Variants in GAS2L3 observed in about 807,000 individuals in gnomAD.
GAS2L3 encodes growth arrest specific 2 like 3, also known as GAS2-like protein 3.
A neutral mutation model predicts 37.0 loss-of-function variants in GAS2L3; 28 were observed. The observed-to-expected ratio is 0.76, with a 90% CI of 0.56 to 1.04. The LOEUF is 1.04. Among genes scored for constraint, GAS2L3 ranks in the 50% least tolerant of loss-of-function variants. The pLI is 0.00. For missense variants in GAS2L3, 793 were observed against 817.6 expected (o/e 0.97, Z 0.37); for synonymous variants, 290 against 296.6 (o/e 0.98, Z 0.23).
At chr12:100,579,696 A>G in intron 1 of GAS2L3, 1 of 776,188 alleles carries the variant, frequency 1.3e-6, no homozygotes, top group East Asian at 2.4e-5. Flanking sequence ...CATGGCGATC[A>G]TGGAAGCAGC....
At position 100,623,644 on chromosome 12, in the gene GAS2L3, G is replaced by C. The variant is rs1284131370; in HGVS notation, c.839G>C (p.Cys280Ser). 6.2e-7 allele frequency: 1 copy of C among 1,613,776 alleles called. No individual in the cohort carries two copies. Among genetic ancestry groups the C allele is most frequent in the Admixed American group, 1.7e-5 (1 of 59,970 alleles). Residue 280 changes from cysteine (C) to serine (S), a missense_variant, in exon 10 of 10, where the codon TGT (cysteine) becomes TCT (serine). Cys to Ser is a moderately radical substitution (Grantham distance 112). Transcript: ENST00000547754. The stretch of plus-strand genomic sequence containing the variant: ...GGATTTTTGCTTAAATATGACCCCT[G>C]TCGAATATTACAGTTTGCCACATTA... ...LQGFLLKYDPCRILQFATLEQ... is the reference protein window; with the variant it reads ...LQGFLLKYDPSRILQFATLEQ...
At chr12:100,581,580 A>G (rs940439909) in intron 1 of GAS2L3, among the ~76,000 whole-genome samples, 1 of 152,254 alleles carries the variant, frequency 6.6e-6, no homozygotes, top group African/African-American at 2.4e-5. Flanking sequence ...ATATAAAAAG[A>G]AATATATTTG....
chr12:100,582,487 G>C (rs1421565634), intron 1 of GAS2L3, among the ~76,000 whole-genome samples: 1 of 152,196 alleles, frequency 6.6e-6, no homozygotes, highest in Non-Finnish European at 1.5e-5. Context: ...GTAACTGTCA[G>C]TGTTGCACTG....
In GAS2L3 at chr12:100,627,223, A is replaced by T. The variant is rs551305059; in HGVS notation, c.*2333A>T. On this transcript the variant is annotated 3_prime_UTR_variant, in exon 10 of 10. Coordinates refer to ENST00000547754, the MANE Select transcript of GAS2L3 (RefSeq NM_174942.3). Reference sequence around the variant, plus strand: ...GTTGAATGAATTTTTATTTATATATAGCTTACCCTTCCAAAATAAAAGTGT... The same window carrying T: ...GTTGAATGAATTTTTATTTATATATTGCTTACCCTTCCAAAATAAAAGTGT... Among the ~76,000 whole-genome samples, 78 of 152,166 alleles carry T rather than the reference A, an allele frequency of 5.1e-4. No homozygotes were observed. The highest frequency in any genetic ancestry group is 1.8e-3 in the African/African-American group (76 of 41,524).
chr12:100,596,914 T>C (rs978256877), intron 3 of GAS2L3, among the ~76,000 whole-genome samples: 1 of 152,070 alleles, frequency 6.6e-6, no homozygotes, highest in Non-Finnish European at 1.5e-5. Context: ...TAAATATCTC[T>C]TAATGACAAT....
chr12:100,586,401 A>G (rs1955781555), intron 1 of GAS2L3, among the ~76,000 whole-genome samples: 1 of 152,246 alleles, frequency 6.6e-6, no homozygotes, highest in Non-Finnish European at 1.5e-5. Context: ...ACAGAGGAGT[A>G]ATACTAGAAA....
At position 100,612,050 on chromosome 12, in the gene GAS2L3, A is replaced by C. The variant is rs1464413711; in HGVS notation, c.354A>C (p.Ser118=). 1 of 1,611,684 alleles carries C rather than the reference A, an allele frequency of 6.2e-7. No individual in the cohort carries two copies. The highest frequency in any genetic ancestry group is 8.5e-7 in the Non-Finnish European group (1 of 1,177,760). The change falls in exon 6 of 10, where the codon TCA becomes TCC. Residue 118 remains serine, a synonymous_variant. Transcript: ENST00000547754. ...GTAAGAAAGATGCTGCATCAGGTTCATTCTTTGCTCGGGACAATACCGCAA... is the reference window on the plus strand; with the variant it reads ...GTAAGAAAGATGCTGCATCAGGTTCCTTCTTTGCTCGGGACAATACCGCAA... ...VPCKKDAASG[S]FFARDNTANF...
At chr12:100,603,001 C>T (rs1565806033) in intron 5 of GAS2L3, among the ~76,000 whole-genome samples, 1 of 152,108 alleles carries the variant, frequency 6.6e-6, no homozygotes, top group East Asian at 1.9e-4. Context: ...CTCAGTGGTA[C>T]TCCATTGTAT....
intron 1 of GAS2L3, among the ~76,000 whole-genome samples, chr12:100,582,544 T>C (rs1257451460): frequency 6.6e-6 from 1 of 152,190 alleles, no homozygotes; most frequent in Non-Finnish European, 1.5e-5. Context: ...TTACATTGAT[T>C]TGAAAGTTAA....
At chr12:100,579,222 C>T (rs1863904) in intron 1 of GAS2L3, 117,543 of 610,190 alleles carry the variant, frequency 0.19, 14,611 homozygotes, top group East Asian at 0.47. Flanking sequence ...TCTGGATTTG[C>T]TAAGGTCCAT....
At chr12:100,605,750 T>C (rs1282163851) in intron 5 of GAS2L3, among the ~76,000 whole-genome samples, 1 of 152,002 alleles carries the variant, frequency 6.6e-6, no homozygotes, top group Non-Finnish European at 1.5e-5. Context: ...ATTGACCCAC[T>C]GGTCGGTCAT....
In GAS2L3 at chr12:100,627,135, A is replaced by G. The variant is rs1956340440; in HGVS notation, c.*2245A>G. On this transcript the variant is annotated 3_prime_UTR_variant, in exon 10 of 10. Transcript: ENST00000547754. ...GAAAAGAAAAAGGTTTATTTGAATA[A>G]TTGGAAGTCAGTTTATACATTACTA... 6.6e-6 allele frequency among the ~76,000 whole-genome samples: 1 copy of G among 152,030 alleles called. No individual in the cohort carries two copies. Among genetic ancestry groups the G allele is most frequent in the Non-Finnish European group, 1.5e-5 (1 of 67,994 alleles).
intron 9 of GAS2L3, 43 bp downstream of exon 9, chr12:100,622,425 T>A: frequency 3.0e-6 from 3 of 997,106 alleles, no homozygotes; most frequent in Non-Finnish European, 4.7e-6. Flanking sequence ...AAATACTGTT[T>A]TGAAATTGGA....
At chr12:100,577,705 T>C (rs538335648) in intron 1 of GAS2L3, among the ~76,000 whole-genome samples, 2 of 152,282 alleles carry the variant, frequency 1.3e-5, no homozygotes, top group African/African-American at 4.8e-5. Context: ...TTTTTAAAAG[T>C]ATAGAGTGCA....
In GAS2L3 at chr12:100,624,528, A is replaced by G; in HGVS notation, c.1723A>G (p.Thr575Ala). ...GTCCTCAGTTTCTCCTGTAAAAGCC[A>G]CACAGAAATCAAAAGATAAGAATAT... ...SVSSVSPVKA[T>A]QKSKDKNIVS... The change falls in exon 10 of 10, where the codon ACA becomes GCA. Residue 575 changes from threonine to alanine, a missense_variant. Thr to Ala is a moderately conservative substitution (Grantham distance 58). Coordinates refer to ENST00000547754, the MANE Select transcript of GAS2L3 (RefSeq NM_174942.3). 1 of 1,614,114 alleles carries G rather than the reference A, an allele frequency of 6.2e-7. No homozygotes were observed. Among genetic ancestry groups the G allele is most frequent in the East Asian group, 2.2e-5 (1 of 44,868 alleles).
Position 100,625,012 on chromosome 12 carries a change from G to A in GAS2L3, c.*122G>A. The A allele has an allele frequency of 1.3e-6, 1 of 762,870 alleles. No individual in the cohort carries two copies. The highest frequency in any genetic ancestry group is 2.1e-6 in the Non-Finnish European group (1 of 471,988). The allele number at this position is 762,870 out of a possible 1,614,324, so 47.3% of individuals were successfully genotyped here. ...AGACACTAAGGATAGTGAGGATGGA[G>A]GCTGGGATGAGGAAAGGGTTCATCA... is the stretch of plus-strand genomic sequence containing the variant. On this transcript the variant is annotated 3_prime_UTR_variant, in exon 10 of 10. Transcript: ENST00000547754.
intron 3 of GAS2L3, among the ~76,000 whole-genome samples, chr12:100,597,706 G>A (rs775651691): frequency 3.2e-4 from 49 of 151,098 alleles, no homozygotes; most frequent in Non-Finnish European, 7.1e-4. Context: ...TTTGCCTTGG[G>A]GTTAAAAACA....
chr12:100,582,947 C>A (rs1955732171), intron 1 of GAS2L3, among the ~76,000 whole-genome samples: 1 of 152,212 alleles, frequency 6.6e-6, no homozygotes, highest in Non-Finnish European at 1.5e-5. Context: ...CTCTTTGATG[C>A]TCTTCCATCA....
chr12:100,584,921 C>T (rs1323179528), intron 1 of GAS2L3, among the ~76,000 whole-genome samples: 2 of 119,940 alleles, frequency 1.7e-5, no homozygotes, highest in South Asian at 2.9e-4. Context: ...CGGAGTCTTG[C>T]TCTGTTGCCT....
Sources: allele counts gnomAD v4.1 joint callset (sites outside exome capture counted in the v4.1 genomes callset), GRCh38; gene constraint gnomAD v4.1.1; transcripts MANE v1.5; gene names NCBI Gene and HGNC (gene_info 2026-07-23, HGNC 2026-07-21).